Variants in CFAP77 observed in about 807,000 individuals in gnomAD.
CFAP77 encodes cilia- and flagella-associated protein 77.
Under a neutral mutation model 31.1 loss-of-function variants are expected in CFAP77, and 25 were observed. That is an observed-to-expected ratio of 0.80 (90% CI 0.59 to 1.12). CFAP77 has a LOEUF of 1.12. CFAP77 is among the 50% of genes most tolerant of loss of function. CFAP77 has a pLI of 0.00. For synonymous variants in CFAP77, 151 were observed against 159.9 expected (o/e 0.94, Z 0.42); for missense variants, 377 against 397.3 (o/e 0.95, Z 0.44).
chr9:132,430,295 G>T (rs560707968), intron 1 of CFAP77, among the ~76,000 whole-genome samples: 1 of 151,968 alleles, frequency 6.6e-6, no homozygotes, highest in Non-Finnish European at 1.5e-5. Context: ...GTGGGATGGG[G>T]GGAGAAAAAG....
chr9:132,425,550 A>T (rs1237219751), intron 1 of CFAP77, among the ~76,000 whole-genome samples: 1 of 152,132 alleles, frequency 6.6e-6, no homozygotes, highest in African/African-American at 2.4e-5. Context: ...TGGGGACGTG[A>T]AGGTGCAGTC....
chr9:132,560,277 G>A (rs1404001522), intron 5 of CFAP77, among the ~76,000 whole-genome samples: 2 of 152,168 alleles, frequency 1.3e-5, no homozygotes, highest in Non-Finnish European at 2.9e-5. Context: ...GTGATAATTG[G>A]CCACCAAGGT....
intron 3 of CFAP77, among the ~76,000 whole-genome samples, chr9:132,521,132 G>A (rs757656206): frequency 1.3e-5 from 2 of 151,940 alleles, no homozygotes; most frequent in Non-Finnish European, 2.9e-5. Context: ...CGGCCTGGCC[G>A]GGCTCTCTGT....
chr9:132,519,916 ATGGGTGGATGGATGGATGAACGGG>A (rs1852239981), intron 3 of CFAP77, among the ~76,000 whole-genome samples: 1 of 144,816 alleles, frequency 6.9e-6, no homozygotes, highest in South Asian at 2.3e-4. Flanking sequence ...GGATGGGAGG[ATGGGTGGATGGATGGATGAACGGG>A]TGGGTGGATG....
At chr9:132,437,664 C>T (rs931821661) in intron 1 of CFAP77, among the ~76,000 whole-genome samples, 3 of 151,610 alleles carry the variant, frequency 2.0e-5, no homozygotes, top group Non-Finnish European at 2.9e-5. Context: ...CGCCCGCCAG[C>T]ACACCCGGCT....
chr9:132,445,125 C>T (rs2131706503), intron 1 of CFAP77, among the ~76,000 whole-genome samples: 1 of 152,212 alleles, frequency 6.6e-6, no homozygotes, highest in East Asian at 1.9e-4. Context: ...AGGCACGCAC[C>T]ACCATGCCTG....
At position 132,498,979 on chromosome 9, in the gene CFAP77, C is replaced by G. The variant is rs1024614264; in HGVS notation, c.295+185C>G. Among the ~76,000 whole-genome samples the G allele has an allele frequency of 6.6e-6, 1 of 152,202 alleles. No individual in the cohort carries two copies. The highest frequency in any genetic ancestry group is 1.5e-5 in the Non-Finnish European group (1 of 68,026). On this transcript the variant is annotated intron_variant, in intron 2 of 5. Transcript: ENST00000393216. This position sits in a 1 kb window ranked among gnomAD's most constrained non-coding sequence, Gnocchi z 4.2. ...AGTGGCCCAGATGGGGAGGGCCAAG[C>G]AGGGCCCTGGTGTGCGGTGTCAGGG...
intron 1 of CFAP77, among the ~76,000 whole-genome samples, chr9:132,475,418 GGAGCGTTA>G (rs1784503966): frequency 6.6e-6 from 1 of 152,144 alleles, no homozygotes; most frequent in Admixed American, 6.5e-5. Flanking sequence ...TCTGCAGTTG[GGAGCGTTA>G]CAGAACCCAG....
At chr9:132,460,909 A>G (rs557357461) in intron 1 of CFAP77, among the ~76,000 whole-genome samples, 7 of 152,086 alleles carry the variant, frequency 4.6e-5, no homozygotes, top group Admixed American at 4.6e-4. Flanking sequence ...TATTTTTAGT[A>G]GAGACGGGGT....
At chr9:132,459,683 T>C (rs1321740461) in intron 1 of CFAP77, among the ~76,000 whole-genome samples, 1 of 151,872 alleles carries the variant, frequency 6.6e-6, no homozygotes, top group East Asian at 1.9e-4. Flanking sequence ...TTTATGTGTA[T>C]ATGTGTGCAT....
intron 1 of CFAP77, among the ~76,000 whole-genome samples, chr9:132,465,902 A>G (rs2131730552): frequency 6.6e-6 from 1 of 152,314 alleles, no homozygotes; most frequent in East Asian, 1.9e-4. Context: ...AAGTGGTTCA[A>G]AATAAGGCAG....
At chr9:132,503,399 G>A (rs1319176252) in intron 3 of CFAP77, among the ~76,000 whole-genome samples, 2 of 152,210 alleles carry the variant, frequency 1.3e-5, no homozygotes, top group East Asian at 3.8e-4. Flanking sequence ...CAGTGTGGTG[G>A]CAGGAGAGGG....
At chr9:132,452,233 G>A (rs946317981) in intron 1 of CFAP77, among the ~76,000 whole-genome samples, 10 of 152,252 alleles carry the variant, frequency 6.6e-5, no homozygotes, top group Non-Finnish European at 1.2e-4. Flanking sequence ...TTGTGGGGAA[G>A]GTCCAGGGCA....
intron 1 of CFAP77, among the ~76,000 whole-genome samples, chr9:132,460,770 C>T (rs1274962280): frequency 6.6e-5 from 10 of 152,166 alleles, no homozygotes; most frequent in Admixed American, 6.5e-4. Flanking sequence ...TCTCTGTCGT[C>T]CAGGCTGGAG....
chr9:132,510,496 G>A (rs529204538), intron 3 of CFAP77, among the ~76,000 whole-genome samples: 11 of 152,306 alleles, frequency 7.2e-5, no homozygotes, highest in Admixed American at 2.6e-4. Flanking sequence ...TGAGCCAGCC[G>A]GCACCTCCCT....
chr9:132,557,352 A>G (rs1045637171), intron 5 of CFAP77, among the ~76,000 whole-genome samples: 2 of 152,194 alleles, frequency 1.3e-5, no homozygotes, highest in African/African-American at 4.8e-5. Flanking sequence ...CGGTGGAACC[A>G]GAGCCACCGC....
intron 3 of CFAP77, among the ~76,000 whole-genome samples, chr9:132,522,403 C>T (rs1482084757): frequency 7.9e-5 from 12 of 152,316 alleles, no homozygotes; most frequent in Non-Finnish European, 4.4e-5. Context: ...CCCATTCCTA[C>T]CTTTTCCATG....
intron 1 of CFAP77, among the ~76,000 whole-genome samples, chr9:132,418,531 G>A (rs1246283670): frequency 6.6e-5 from 10 of 152,182 alleles, no homozygotes; most frequent in Admixed American, 3.3e-4. Flanking sequence ...GTTTGCTTCC[G>A]ATTGTCTTCC....
chr9:132,508,738 C>T lies in CFAP77; in HGVS notation c.524+9138C>T, dbSNP rs115366286. 7.6e-3 allele frequency among the ~76,000 whole-genome samples: 1,153 copies of T among 152,160 alleles called. 18 individuals are homozygous for T. Among genetic ancestry groups the T allele is most frequent in the African/African-American group, 0.026 (1,059 of 41,504 alleles). ...ACTTTCTGGGCCCCCACTGAGTGAC[C>T]GCTGCGTCCAACACTGAGCCCTGTA... On this transcript the variant is annotated intron_variant, in intron 3 of 5. Coordinates refer to ENST00000393216, the MANE Select transcript of CFAP77 (RefSeq NM_001282957.2).
Sources: gnomAD v4.1 joint callset for allele counts (sites outside exome capture counted in the v4.1 genomes callset) on GRCh38, gnomAD v4.1.1 for gene constraint, Gnocchi (gnomAD v3.1) non-coding constraint, MANE v1.5 for transcripts, NCBI Gene and HGNC (gene_info 2026-07-23, HGNC 2026-07-21) for gene names.